PHLPP1: variants seen among roughly 807,000 people sequenced by gnomAD.
The protein encoded by PHLPP1 is PH domain leucine-rich repeat-containing protein phosphatase 1.
A neutral mutation model predicts 117.2 loss-of-function variants in PHLPP1; 42 were observed. That is an observed-to-expected ratio of 0.36 (90% CI 0.28 to 0.46). The LOEUF is 0.46. Ranked by LOEUF, PHLPP1 falls within the 20% of genes least tolerant of loss-of-function variation. PHLPP1 has a pLI of 1.00. For missense variants in PHLPP1, 2,084 were observed against 2,241.9 expected, an observed-to-expected ratio of 0.93 and a Z score of 1.42; for synonymous variants, 1,042 against 970.7, an observed-to-expected ratio of 1.07 and a Z score of -1.37.
intron 4 of PHLPP1, among the ~76,000 whole-genome samples, chr18:62,879,438 G>T (rs1204536463): frequency 6.6e-6 from 1 of 151,952 alleles, no homozygotes; most frequent in East Asian, 1.9e-4. Context: ...GTGTGTCAGA[G>T]TCTTACTCTG....
At chr18:62,929,101 CTAAG>C (rs1358902822) in intron 10 of PHLPP1, among the ~76,000 whole-genome samples, 1 of 152,070 alleles carries the variant, frequency 6.6e-6, no homozygotes. Context: ...TAAAAAATCA[CTAAG>C]TCACACAATT....
chr18:62,975,744 A>G (rs1014165898), intron 16 of PHLPP1, 119 bp downstream of exon 16: 1 of 669,444 alleles, frequency 1.5e-6, no homozygotes. Context: ...TTGGTTTGAC[A>G]TTAGAATTCC....
intron 3 of PHLPP1, among the ~76,000 whole-genome samples, chr18:62,854,854 G>T (rs1230378942): frequency 6.6e-6 from 1 of 151,870 alleles, no homozygotes; most frequent in African/African-American, 2.4e-5. Flanking sequence ...CCACCACCAC[G>T]CCTGGTTAAT....
At chr18:62,858,795 T>C (rs987497301) in intron 3 of PHLPP1, among the ~76,000 whole-genome samples, 5 of 152,110 alleles carry the variant, frequency 3.3e-5, no homozygotes, top group African/African-American at 1.2e-4. Context: ...TTTTTTTTAA[T>C]AAAAAATAAA....
rs763385181 is a variant in PHLPP1 at position 62,978,835 on chromosome 18, C to G, written c.4558C>G (p.Pro1520Ala). Residue 1520 changes from proline (P) to alanine (A), a missense_variant, in exon 17 of 17, where the codon CCC becomes GCC. Around this residue, in one of 2 missense-constraint regions of PHLPP1, gnomAD observed 1,365 missense variants for 1,605.9 expected, o/e 0.85. Transcript: ENST00000262719. This position sits in a 1 kb window ranked among gnomAD's most constrained non-coding sequence, Gnocchi z 7.0. ...CAGTGAGCAGCGCTGCATGCTCCACCCCATCTGTCTGTCCAACTCCTTCCA... is the reference window on the plus strand; with the variant it reads ...CAGTGAGCAGCGCTGCATGCTCCACGCCATCTGTCTGTCCAACTCCTTCCA... The part of the protein sequence containing the change: ...YPSEQRCMLH[P>A]ICLSNSFQRQ... 1 of 1,609,316 alleles carries G rather than the reference C, an allele frequency of 6.2e-7. No homozygotes were observed. The highest frequency in any genetic ancestry group is 8.5e-7 in the Non-Finnish European group (1 of 1,177,912).
chr18:62,751,295 C>T (rs191813087), intron 1 of PHLPP1, among the ~76,000 whole-genome samples: 31 of 152,214 alleles, frequency 2.0e-4, no homozygotes, highest in East Asian at 1.9e-3. Context: ...TTTCCCTGTC[C>T]GAACTGTCTC....
chr18:62,933,439 A>G (rs951658541), intron 10 of PHLPP1, among the ~76,000 whole-genome samples: 5 of 152,174 alleles, frequency 3.3e-5, no homozygotes, highest in African/African-American at 1.2e-4. Flanking sequence ...GGAACAAAAT[A>G]GAGACCTGGG....
chr18:62,848,280 A>G (rs1303296862), intron 3 of PHLPP1, among the ~76,000 whole-genome samples: 1 of 152,126 alleles, frequency 6.6e-6, no homozygotes, highest in Non-Finnish European at 1.5e-5. Context: ...CATATTTTCT[A>G]AACAATATAA....
chr18:62,762,224 AT>A (rs1336563857), intron 1 of PHLPP1, among the ~76,000 whole-genome samples: 1 of 151,638 alleles, frequency 6.6e-6, no homozygotes, highest in African/African-American at 2.4e-5. Flanking sequence ...ACTCATCTGT[AT>A]TGAACAGATT....
At chr18:62,885,434 G>A (rs1338376484) in intron 4 of PHLPP1, among the ~76,000 whole-genome samples, 2 of 152,174 alleles carry the variant, frequency 1.3e-5, no homozygotes, top group Non-Finnish European at 2.9e-5. Flanking sequence ...GGCTGAGGTG[G>A]GTGGATCACA....
chr18:62,958,853 A>G (rs1910693253), intron 13 of PHLPP1, 94 bp downstream of exon 13: 4 of 1,404,484 alleles, frequency 2.8e-6, no homozygotes, highest in African/African-American at 1.4e-5. Context: ...ATGAAGCATC[A>G]TTGACTTGTT....
chr18:62,735,037 A>G (rs1911331738), intron 1 of PHLPP1, among the ~76,000 whole-genome samples: 1 of 150,938 alleles, frequency 6.6e-6, no homozygotes, highest in South Asian at 2.1e-4. Flanking sequence ...AGAGGATGTC[A>G]TTCTTTTTTT....
At chr18:62,835,775 T>TC in intron 2 of PHLPP1, among the ~76,000 whole-genome samples, 1 of 133,578 alleles carries the variant, frequency 7.5e-6, no homozygotes, top group Non-Finnish European at 1.7e-5. Flanking sequence ...TTCAACTGGT[T>TC]CTTTTTTTTT....
chr18:62,782,515 G>C (rs1443754712), intron 1 of PHLPP1, among the ~76,000 whole-genome samples: 1 of 152,124 alleles, frequency 6.6e-6, no homozygotes, highest in Admixed American at 6.5e-5. Flanking sequence ...TTGCTTAAAA[G>C]TATCTTAGTA....
chr18:62,751,077 C>T (rs940680282), intron 1 of PHLPP1, among the ~76,000 whole-genome samples: 15 of 152,148 alleles, frequency 9.9e-5, no homozygotes, highest in African/African-American at 2.9e-4. Context: ...TTGATTTTTT[C>T]GGTACTGCAG....
rs1162969853 is a variant in PHLPP1, at chr18:62,980,412, A to G, written c.*981A>G. 1.3e-5 allele frequency: 2 copies of G among 152,660 alleles called. No homozygotes were observed. Among genetic ancestry groups the G allele is most frequent in the African/African-American group, 2.4e-5 (1 of 41,458 alleles). 9.5% of individuals were successfully genotyped at this position (152,660 alleles called of 1,614,324 possible). A position where few individuals can be genotyped will look rare whatever the true frequency, so the allele number is the denominator to read the frequency against. ...TGGACATGTCATAATTTTTGTTACA[A>G]TAAATATGAAATTTACAAGTATTTA... is the stretch of plus-strand genomic sequence containing the variant. On this transcript the variant is annotated 3_prime_UTR_variant, in exon 17 of 17. Transcript: ENST00000262719.
At chr18:62,878,440 A>G (rs778929480) in intron 4 of PHLPP1, among the ~76,000 whole-genome samples, 4 of 152,188 alleles carry the variant, frequency 2.6e-5, no homozygotes, top group East Asian at 1.9e-4. Context: ...CAACACACGC[A>G]TGTCAGTTTT....
At chr18:62,876,576 C>T (rs969950130) in intron 4 of PHLPP1, among the ~76,000 whole-genome samples, 3 of 152,184 alleles carry the variant, frequency 2.0e-5, no homozygotes, top group Admixed American at 2.0e-4. Context: ...GGTTTTCCCA[C>T]CACCAAGGAT....
intron 1 of PHLPP1, among the ~76,000 whole-genome samples, chr18:62,740,814 A>G (rs1017972499): frequency 6.6e-6 from 1 of 152,156 alleles, no homozygotes; most frequent in Non-Finnish European, 1.5e-5. Context: ...CGTACTAAAA[A>G]TACAAAAACT....
Sources: gnomAD v4.1 joint callset for allele counts (sites outside exome capture counted in the v4.1 genomes callset) on GRCh38, gnomAD v4.1.1 for gene constraint, gnomAD v4.1.1 regional missense constraint, Gnocchi (gnomAD v3.1) non-coding constraint, MANE v1.5 for transcripts, NCBI Gene and HGNC (gene_info 2026-07-23, HGNC 2026-07-21) for gene names.